The following IL1RAPL2 variants were observed in gnomAD, a reference collection of about 807,000 sequenced individuals.
IL1RAPL2 encodes the protein X-linked interleukin-1 receptor accessory protein-like 2.
In IL1RAPL2, 3 loss-of-function variants were observed where a neutral mutation model predicts 44.1. The ratio of observed to expected loss-of-function variants is 0.07; its 90% CI spans 0.03 to 0.18. The LOEUF (loss-of-function observed/expected upper bound fraction) is 0.18. Ranked by LOEUF, IL1RAPL2 falls within the 10% of genes least tolerant of loss-of-function variation. The pLI, the probability that IL1RAPL2 is intolerant of heterozygous loss-of-function variation, is 1.00. For synonymous variants in IL1RAPL2, 181 were observed against 178.8 expected, an observed-to-expected ratio of 1.01 and a Z score of -0.10; for missense variants, 391 against 496.4, an observed-to-expected ratio of 0.79 and a Z score of 2.02.
chrX:104,582,610 TTCTTTCTTTCTTTC>T (rs2147992510), intron 1 of IL1RAPL2, among the ~76,000 whole-genome samples: 1 of 39,999 alleles, frequency 2.5e-5, no homozygotes, highest in African/African-American at 8.7e-5. Context: ...CTTTCTTTCT[TTCTTTCTTTCTTTC>T]TTTCTTTCTT....
At chrX:105,458,303 G>A (rs1240911693) in intron 5 of IL1RAPL2, among the ~76,000 whole-genome samples, 4 of 111,144 alleles carry the variant, frequency 3.6e-5, no homozygotes, top group Admixed American at 9.7e-5. Context: ...ATTGATGCAC[G>A]GAAGTTCTTA....
chrX:104,740,894 ACT>A (rs1407675128), intron 2 of IL1RAPL2, among the ~76,000 whole-genome samples: 1 of 111,123 alleles, frequency 9.0e-6, no homozygotes, highest in Non-Finnish European at 1.9e-5. Context: ...TACAGTGGTG[ACT>A]CTAGGGTTAT....
chrX:105,640,791 TATAG>T (rs1375065143), intron 6 of IL1RAPL2, among the ~76,000 whole-genome samples: 1 of 79,074 alleles, frequency 1.3e-5, no homozygotes, highest in Non-Finnish European at 2.5e-5. Flanking sequence ...TAGATATAGA[TATAG>T]ATAGAGAGAG....
chrX:105,002,580 A>T (rs1427586399), intron 2 of IL1RAPL2, among the ~76,000 whole-genome samples: 2 of 110,908 alleles, frequency 1.8e-5, no homozygotes, highest in Non-Finnish European at 3.8e-5. Context: ...TCTGGGAAAG[A>T]AAATCTTCAA....
intron 2 of IL1RAPL2, among the ~76,000 whole-genome samples, chrX:104,839,069 G>A (rs1366057054): frequency 4.6e-5 from 5 of 107,611 alleles, no homozygotes; most frequent in South Asian, 4.2e-4. Context: ...GGCTAATCTC[G>A]AACTCCTGAT....
At chrX:105,269,844 T>C (rs190819723) in intron 5 of IL1RAPL2, among the ~76,000 whole-genome samples, 203 of 112,267 alleles carry the variant, frequency 1.8e-3, no homozygotes, top group Non-Finnish European at 2.3e-3. Flanking sequence ...TGAACCAGAA[T>C]AAAGTAAATA....
intron 2 of IL1RAPL2, among the ~76,000 whole-genome samples, chrX:104,987,634 G>T (rs1356516686): frequency 1.8e-5 from 2 of 110,391 alleles, no homozygotes; most frequent in African/African-American, 6.6e-5. Context: ...GTCACTGGTG[G>T]TCTCTGAGAT....
At chrX:105,482,040 C>T (rs1470738047) in intron 5 of IL1RAPL2, among the ~76,000 whole-genome samples, 3 of 112,138 alleles carry the variant, frequency 2.7e-5, no homozygotes, top group South Asian at 3.6e-4. Context: ...TAGCATGCTG[C>T]GCATACTATT....
chrX:105,239,376 A>C lies in IL1RAPL2; in HGVS notation c.543+5372A>C, dbSNP rs139769432. Reference sequence around the variant, plus strand: ...ATCTTTTACTCCACACCATGGAAAAAAGCACTTAACAAATGATGCCTTTCT... The same window carrying C: ...ATCTTTTACTCCACACCATGGAAAACAGCACTTAACAAATGATGCCTTTCT... On this transcript the variant is annotated intron_variant, in intron 4 of 10. Transcript: ENST00000372582. Among the ~76,000 whole-genome samples, 246 of 111,790 alleles carry C rather than the reference A, an allele frequency of 2.2e-3. 2 individuals are homozygous for C. In the East Asian group the frequency reaches 0.052, roughly 24 times the overall value.
At chrX:105,692,204 G>A (rs1233006583) in intron 6 of IL1RAPL2, among the ~76,000 whole-genome samples, 3 of 111,400 alleles carry the variant, frequency 2.7e-5, no homozygotes, top group African/African-American at 6.5e-5. Flanking sequence ...TCGTTACAAC[G>A]ATTCTTAGTC....
intron 5 of IL1RAPL2, among the ~76,000 whole-genome samples, chrX:105,357,909 C>A (rs2035215122): frequency 9.3e-6 from 1 of 107,725 alleles, no homozygotes; most frequent in African/African-American, 3.4e-5. Context: ...ATTTGGGAGG[C>A]CAAGGCATGA....
At chrX:105,144,467 C>A (rs1046659225) in intron 2 of IL1RAPL2, among the ~76,000 whole-genome samples, 8 of 110,956 alleles carry the variant, frequency 7.2e-5, no homozygotes, top group South Asian at 3.8e-4. Flanking sequence ...CTGCTTAAAC[C>A]CTTCAGTGAC....
At chrX:105,146,337 T>A (rs989516504) in intron 2 of IL1RAPL2, among the ~76,000 whole-genome samples, 2 of 111,036 alleles carry the variant, frequency 1.8e-5, no homozygotes, top group African/African-American at 3.3e-5. Context: ...CTTATTCCTG[T>A]TGGCCAAAGA....
chrX:104,627,340 G>T (rs1929532070), intron 1 of IL1RAPL2, among the ~76,000 whole-genome samples: 1 of 74,419 alleles, frequency 1.3e-5, no homozygotes, highest in South Asian at 1.2e-3. Context: ...TTGTGGGGTG[G>T]GGGGAGGGGG....
At chrX:104,701,462 T>C (rs1167254884) in intron 2 of IL1RAPL2, among the ~76,000 whole-genome samples, 2 of 111,385 alleles carry the variant, frequency 1.8e-5, no homozygotes, top group Non-Finnish European at 3.8e-5. Context: ...AATTTTCTAG[T>C]GACACAGATT....
At chrX:104,936,346 A>C (rs979991352) in intron 2 of IL1RAPL2, among the ~76,000 whole-genome samples, 3 of 111,862 alleles carry the variant, frequency 2.7e-5, no homozygotes, top group Non-Finnish European at 5.6e-5. Flanking sequence ...TGTATCACAT[A>C]TAGGAAGGCA....
intron 2 of IL1RAPL2, among the ~76,000 whole-genome samples, chrX:104,718,961 CA>C (rs1569302467): frequency 8.9e-6 from 1 of 111,767 alleles, no homozygotes; most frequent in African/African-American, 3.2e-5. Flanking sequence ...ATGTTCCAAA[CA>C]AAGTTTGTTT....
At chrX:104,996,410 C>T (rs947812037) in intron 2 of IL1RAPL2, among the ~76,000 whole-genome samples, 1 of 111,487 alleles carries the variant, frequency 9.0e-6, no homozygotes, top group East Asian at 2.8e-4. Context: ...GAAAATAGTC[C>T]ATAGGTTCAG....
chrX:104,948,732 G>A (rs1255181430), intron 2 of IL1RAPL2, among the ~76,000 whole-genome samples: 1 of 110,362 alleles, frequency 9.1e-6, no homozygotes, highest in Non-Finnish European at 1.9e-5. Context: ...ATTGATTTGT[G>A]TATGTTGAAC....
Sources: gnomAD v4.1 joint callset for allele counts (sites outside exome capture counted in the v4.1 genomes callset) on GRCh38, gnomAD v4.1.1 for gene constraint, MANE v1.5 for transcripts, NCBI Gene and HGNC (gene_info 2026-07-23, HGNC 2026-07-21) for gene names.